CTNNA2: variants seen among roughly 807,000 people sequenced by gnomAD.
CTNNA2 encodes catenin alpha 2, also known as catenin alpha-2.
Under a neutral mutation model 101.0 loss-of-function variants are expected in CTNNA2, and 42 were observed. That is an observed-to-expected ratio of 0.42 (90% CI 0.32 to 0.54). The LOEUF is 0.54. CTNNA2 is among the 20% of genes least tolerant of loss of function. The pLI, the probability that CTNNA2 is intolerant of heterozygous loss-of-function variation, is 0.14. For missense variants in CTNNA2, 871 were observed against 1,223.1 expected (o/e 0.71, Z 4.29); for synonymous variants, 450 against 456.4 (o/e 0.99, Z 0.18).
At chr2:79,604,238 G>T (rs1231225276) in intron 1 of CTNNA2, among the ~76,000 whole-genome samples, 1 of 152,206 alleles carries the variant, frequency 6.6e-6, no homozygotes, top group Non-Finnish European at 1.5e-5. Context: ...TTGAAAGATT[G>T]TAAGTTGAAA....
chr2:79,872,006 G>A (rs2104038651), intron 5 of CTNNA2, among the ~76,000 whole-genome samples: 1 of 152,252 alleles, frequency 6.6e-6, no homozygotes, highest in Middle Eastern at 3.4e-3. Flanking sequence ...AAGGAAAGGG[G>A]AAAAACACAT....
At chr2:79,479,148 G>T (rs530818527) in intron 4 of CTNNA2, among the ~76,000 whole-genome samples, 2 of 152,260 alleles carry the variant, frequency 1.3e-5, no homozygotes, top group South Asian at 4.2e-4. Context: ...AGTTCACTGA[G>T]AAAACTCAAT....
chr2:80,396,766 T>C (rs372707379), intron 8 of CTNNA2, among the ~76,000 whole-genome samples: 1 of 152,186 alleles, frequency 6.6e-6, no homozygotes, highest in Non-Finnish European at 1.5e-5. Context: ...ATCTATGACA[T>C]TGCAATGTTG....
chr2:79,712,745 C>A (rs1685822726), intron 2 of CTNNA2, among the ~76,000 whole-genome samples: 1 of 152,070 alleles, frequency 6.6e-6, no homozygotes, highest in South Asian at 2.1e-4. Context: ...ATTAAAGAAT[C>A]AAAAATATTT....
chr2:80,431,156 T>C (rs560310192), intron 9 of CTNNA2, among the ~76,000 whole-genome samples: 2 of 152,312 alleles, frequency 1.3e-5, no homozygotes, highest in South Asian at 2.1e-4. Context: ...GGATTGTGTA[T>C]TGGGACATTG....
intron 7 of CTNNA2, among the ~76,000 whole-genome samples, chr2:80,373,626 T>C (rs775278826): frequency 3.3e-5 from 5 of 152,170 alleles, no homozygotes; most frequent in East Asian, 1.9e-4. Flanking sequence ...TATTTATTTA[T>C]TTACTTACTT....
chr2:79,436,705 C>T (rs779395630), intron 4 of CTNNA2, among the ~76,000 whole-genome samples: 25 of 151,848 alleles, frequency 1.6e-4, no homozygotes, highest in Non-Finnish European at 3.2e-4. Context: ...AGTCTCGGCT[C>T]ACTGCAAGCT....
At chr2:79,534,316 G>A (rs564381878) in intron 1 of CTNNA2, among the ~76,000 whole-genome samples, 19 of 152,004 alleles carry the variant, frequency 1.2e-4, no homozygotes, top group Middle Eastern at 3.4e-3. Context: ...ACCGTTGGGC[G>A]CATTACTTTC....
At chr2:79,575,274 T>C (rs1675719681) in intron 1 of CTNNA2, among the ~76,000 whole-genome samples, 1 of 152,180 alleles carries the variant, frequency 6.6e-6, no homozygotes, top group Non-Finnish European at 1.5e-5. Flanking sequence ...CATGCCTGTG[T>C]CTGCCCATAA....
chr2:80,630,405 G>T (rs942949332), intron 18 of CTNNA2, among the ~76,000 whole-genome samples: 1 of 152,050 alleles, frequency 6.6e-6, no homozygotes, highest in African/African-American at 2.4e-5. Context: ...TTGGGAGGCC[G>T]AGGCGGGTGG....
intron 3 of CTNNA2, among the ~76,000 whole-genome samples, chr2:79,782,880 T>G (rs1178620720): frequency 6.6e-6 from 1 of 152,092 alleles, no homozygotes; most frequent in Non-Finnish European, 1.5e-5. Flanking sequence ...TTTTTGCAAA[T>G]TGGCTCTGCC....
chr2:80,610,739 C>T (rs867008586), intron 17 of CTNNA2, among the ~76,000 whole-genome samples: 3 of 151,644 alleles, frequency 2.0e-5, no homozygotes, highest in African/African-American at 7.3e-5. Flanking sequence ...AAGCAAAATG[C>T]GCAATTATGT....
rs1380767043 is a variant in CTNNA2, at chr2:79,976,320, A to AGAC, written c.1056+66525_1056+66527dup. 4.6e-5 allele frequency among the ~76,000 whole-genome samples: 7 copies of AGAC among 152,264 alleles called. No individual in the cohort carries two copies. In the South Asian group the frequency reaches 6.2e-4, roughly 14 times the overall value. ...GAGAAATTCAGGCCAACTGAACAGG[A>AGAC]GACGGATTGTGACTGAATAAGACAC... is the stretch of plus-strand genomic sequence containing the variant. On this transcript the variant is annotated intron_variant, in intron 7 of 18. Coordinates refer to ENST00000402739, the MANE Select transcript of CTNNA2 (RefSeq NM_001282597.3).
chr2:80,302,272 G>A lies in CTNNA2; in HGVS notation c.1057-90939G>A, dbSNP rs1302835627. The stretch of plus-strand genomic sequence containing the variant: ...ACAATCACACCTCGCATTCCCTCGC[G>A]GGCTGCTGGTGGCAGGTACACGAGC... On this transcript the variant is annotated intron_variant, in intron 7 of 18. Transcript: ENST00000402739. The surrounding 1 kb of genome is among the most constrained non-coding windows in gnomAD (Gnocchi z 6.4). 2 of 1,613,760 alleles carry A rather than the reference G, an allele frequency of 1.2e-6. No individual in the cohort carries two copies. The highest frequency in any genetic ancestry group is 1.7e-5 in the Admixed American group (1 of 60,020).
At chr2:79,689,821 A>G (rs1684172309) in intron 2 of CTNNA2, among the ~76,000 whole-genome samples, 1 of 152,040 alleles carries the variant, frequency 6.6e-6, no homozygotes, top group Admixed American at 6.6e-5. Flanking sequence ...AGTTATAATA[A>G]TTCAATGATT....
chr2:80,309,112 A>G (rs2149222889), intron 7 of CTNNA2, among the ~76,000 whole-genome samples: 1 of 151,908 alleles, frequency 6.6e-6, no homozygotes, highest in African/African-American at 2.4e-5. Context: ...AAGAAAAAAA[A>G]GAGAGAGAGA....
At chr2:80,614,896 C>T (rs959723952) in intron 17 of CTNNA2, among the ~76,000 whole-genome samples, 2 of 151,134 alleles carry the variant, frequency 1.3e-5, no homozygotes, top group African/African-American at 2.4e-5. Context: ...TAAATTCAGC[C>T]CCTGTAAACA....
chr2:79,866,554 C>T (rs1032496685), intron 4 of CTNNA2: 1 of 152,200 alleles, frequency 6.6e-6, no homozygotes, highest in Non-Finnish European at 1.5e-5. Flanking sequence ...AGGGCTCAGC[C>T]GTTGACACCA....
chr2:80,281,257 T>C (rs981877368), intron 7 of CTNNA2, among the ~76,000 whole-genome samples: 4 of 152,206 alleles, frequency 2.6e-5, no homozygotes, highest in African/African-American at 7.2e-5. Context: ...TATGAGGTCA[T>C]TGGAAATTTA....
Sources: allele counts gnomAD v4.1 joint callset (sites outside exome capture counted in the v4.1 genomes callset), GRCh38; gene constraint gnomAD v4.1.1; non-coding constraint Gnocchi (gnomAD v3.1); transcripts MANE v1.5; gene names NCBI Gene and HGNC (gene_info 2026-07-23, HGNC 2026-07-21).